CABP1: variants seen among roughly 807,000 people sequenced by gnomAD.
CABP1 encodes calcium binding protein 1.
Under a neutral mutation model 34.3 loss-of-function variants are expected in CABP1, and 17 were observed. The ratio of observed to expected loss-of-function variants is 0.50; its 90% CI spans 0.34 to 0.74. CABP1 has a LOEUF of 0.74. Ranked by LOEUF, CABP1 falls within the 30% of genes least tolerant of loss-of-function variation. CABP1 has a pLI of 0.01. For synonymous variants in CABP1, 198 were observed against 229.2 expected, an observed-to-expected ratio of 0.86 and a Z score of 1.23; for missense variants, 373 against 511.1, an observed-to-expected ratio of 0.73 and a Z score of 2.61.
the CABP1 span, among the ~76,000 whole-genome samples, chr12:120,672,711 G>GA: frequency 6.7e-4 from 94 of 139,498 alleles, no homozygotes; most frequent in Middle Eastern, 3.7e-3. Flanking sequence ...GCACTTGGGT[G>GA]AAAAAAAAAA....
intron 5 of CABP1, among the ~76,000 whole-genome samples, chr12:120,666,553 T>G (rs758103435): frequency 1.3e-5 from 2 of 148,894 alleles, no homozygotes; most frequent in Non-Finnish European, 1.5e-5. Flanking sequence ...AAAAGATCTG[T>G]GTAGTTGGAG....
chr12:120,671,653 A>C (rs1393490142), downstream of CABP1, among the ~76,000 whole-genome samples: 2 of 152,256 alleles, frequency 1.3e-5, no homozygotes, highest in Non-Finnish European at 2.9e-5. Context: ...CGCTGGTGCT[A>C]TGAAGGGCTC....
chr12:120,650,058 C>T lies in CABP1; in HGVS notation c.654+8719C>T, dbSNP rs537192117. 37 of 153,934 alleles carry T rather than the reference C, an allele frequency of 2.4e-4. No individual in the cohort carries two copies. In the Middle Eastern group the frequency reaches 0.014, roughly 56 times the overall value. 9.5% of individuals were successfully genotyped at this position (153,934 alleles called of 1,614,324 possible). A position where few individuals can be genotyped will look rare whatever the true frequency, so the allele number is the denominator to read the frequency against. On this transcript the variant is annotated intron_variant, in intron 1 of 5. Transcript: ENST00000316803. ...GTTTGTGTGTGTGTGTGTGCGCGCG[C>T]GCACACACACAAGGCTGGGAGCTGT...
chr12:120,661,260 G>A lies in CABP1; in HGVS notation c.1087+42G>A, dbSNP rs749856150. On this transcript the variant is annotated intron_variant, in intron 5 of 5. Transcript: ENST00000316803. The surrounding 1 kb of genome is among the most constrained non-coding windows in gnomAD (Gnocchi z 5.1). ...AGTGGGAGAGAAGCAAGCCAGCAGT[G>A]GCCATCCATGGAGCCCTCCAATTGT... is the stretch of plus-strand genomic sequence containing the variant. 1 of 1,586,706 alleles carries A rather than the reference G, an allele frequency of 6.3e-7. No individual in the cohort carries two copies. Among genetic ancestry groups the A allele is most frequent in the Admixed American group, 1.7e-5 (1 of 57,760 alleles).
Position 120,660,924 on chromosome 12 carries a change from A to G in CABP1, c.939+84A>G. 1 of 1,386,160 alleles carries G rather than the reference A, an allele frequency of 7.2e-7. No individual in the cohort carries two copies. The highest frequency in any genetic ancestry group is 1.0e-6 in the Non-Finnish European group (1 of 980,114). The allele number at this position is 1,386,160 out of a possible 1,614,324, so 85.9% of individuals were successfully genotyped here. On this transcript the variant is annotated intron_variant, in intron 4 of 5. Coordinates refer to ENST00000316803, the MANE Select transcript of CABP1 (RefSeq NM_001033677.2). This position sits in a 1 kb window ranked among gnomAD's most constrained non-coding sequence, Gnocchi z 5.0. ...ATACTTCAAAAGAAGCCTGAGCCTCAAGTCCCAGATCAGGGGAGGGAGCTT... is the reference window on the plus strand; with the variant it reads ...ATACTTCAAAAGAAGCCTGAGCCTCGAGTCCCAGATCAGGGGAGGGAGCTT...
chr12:120,677,930 A>G, the CABP1 span, among the ~76,000 whole-genome samples: 1 of 152,172 alleles, frequency 6.6e-6, no homozygotes, highest in South Asian at 2.1e-4. Context: ...ATGAAGACAC[A>G]CCAAGTCCAT....
the CABP1 span, among the ~76,000 whole-genome samples, chr12:120,675,674 T>C: frequency 2.0e-5 from 3 of 152,254 alleles, no homozygotes; most frequent in Non-Finnish European, 2.9e-5. Flanking sequence ...ATCTGCTTAT[T>C]GTTTGAGGCT....
intron 1 of CABP1, among the ~76,000 whole-genome samples, chr12:120,647,560 C>CTTTTTTTTT (rs10557275): frequency 6.6e-5 from 5 of 75,666 alleles, no homozygotes; most frequent in Admixed American, 1.8e-4. Context: ...CAGTCCAAGC[C>CTTTTTTTTT]TTTTTTTTTT....
At chr12:120,649,005 G>T (rs1442586411) in intron 1 of CABP1, among the ~76,000 whole-genome samples, 3 of 152,032 alleles carry the variant, frequency 2.0e-5, no homozygotes, top group South Asian at 4.2e-4. Context: ...CAGGAGACAC[G>T]CATCATCACC....
chr12:120,659,779 T>C lies in CABP1; in HGVS notation c.655-99T>C, dbSNP rs1206351745. On this transcript the variant is annotated intron_variant, in intron 1 of 5. Transcript: ENST00000316803. The stretch of plus-strand genomic sequence containing the variant: ...CCTGTGCTGCATCCTCGTCACCTCC[T>C]ACCCAGTGCCTGCTGCCACGTGGAT... 8.2e-6 allele frequency: 9 copies of C among 1,099,118 alleles called. No individual in the cohort carries two copies. The African/African-American group carries it at 1.2e-4, about 15-fold the overall frequency. 68.1% of individuals were successfully genotyped at this position (1,099,118 alleles called of 1,614,324 possible). A position where few individuals can be genotyped will look rare whatever the true frequency, so the allele number is the denominator to read the frequency against.
chr12:120,644,951 C>A (rs985894497), intron 1 of CABP1, among the ~76,000 whole-genome samples: 1 of 152,152 alleles, frequency 6.6e-6, no homozygotes, highest in African/African-American at 2.4e-5. Context: ...ATTACAGGTG[C>A]CTGCCACCGC....
chr12:120,656,839 G>A (rs1880257179), intron 1 of CABP1, among the ~76,000 whole-genome samples: 2 of 152,340 alleles, frequency 1.3e-5, no homozygotes, highest in Non-Finnish European at 1.5e-5. Context: ...AGGTTGCAGT[G>A]AGCCAAGGTC....
rs1420083636 is a variant in CABP1 at position 120,660,744 on chromosome 12, A to G, written c.843A>G (p.Val281=). ...QQINMNLGGH[V]DFDDFVELMG... is the part of the protein sequence containing the mutation. ...CTCCTTTTCCAGTGGGTGGCCATGT[A>G]GATTTTGATGACTTCGTGGAGCTAA... The change falls in exon 4 of 6, where the codon GTA becomes GTG. Residue 281 remains valine (V), a synonymous_variant. Coordinates refer to ENST00000316803, the MANE Select transcript of CABP1 (RefSeq NM_001033677.2). This position sits in a 1 kb window ranked among gnomAD's most constrained non-coding sequence, Gnocchi z 5.0. 6.2e-7 allele frequency: 1 copy of G among 1,612,750 alleles called. No homozygotes were observed. Among genetic ancestry groups the G allele is most frequent in the African/African-American group, 1.3e-5 (1 of 74,874 alleles).
chr12:120,646,081 C>G (rs1345455477), intron 1 of CABP1, among the ~76,000 whole-genome samples: 1 of 152,166 alleles, frequency 6.6e-6, no homozygotes, highest in Non-Finnish European at 1.5e-5. Flanking sequence ...GGTGGCAGGA[C>G]TGTGCTGAGA....
In CABP1 at chr12:120,650,787, C is replaced by T. The variant is rs187868005; in HGVS notation, c.655-9091C>T. On this transcript the variant is annotated intron_variant, in intron 1 of 5. Coordinates refer to ENST00000316803, the MANE Select transcript of CABP1 (RefSeq NM_001033677.2). ...AGGGTGGCTGGAGCTTGCTATCCTT[C>T]CCAGGGGTTCTGTCCAGGGCTGCCT... 43 of 1,177,644 alleles carry T rather than the reference C, an allele frequency of 3.7e-5. 1 individual carries two copies. In the African/African-American group the frequency reaches 6.0e-4, roughly 16 times the overall value. The allele number at this position is 1,177,644 out of a possible 1,614,324, so 72.9% of individuals were successfully genotyped here.
chr12:120,653,676 G>T (rs1879989368), intron 1 of CABP1, among the ~76,000 whole-genome samples: 2 of 152,134 alleles, frequency 1.3e-5, no homozygotes, highest in Non-Finnish European at 2.9e-5. Context: ...TGGGATTATG[G>T]GTGCCCGCCA....
Position 120,667,092 on chromosome 12 carries a change from AAAGCGGG to A in CABP1, c.*193_*199del. On this transcript the variant is annotated 3_prime_UTR_variant, in exon 6 of 6. Transcript: ENST00000316803. ...GTGAAAGACTAACTCCTGCAACTGG[AAAGCGGG>A]GGCGCCCGCCGACGAGGAGGCCACC... is the stretch of plus-strand genomic sequence containing the variant. 1.6e-6 allele frequency: 1 copy of A among 634,744 alleles called. No individual in the cohort carries two copies. The highest frequency in any genetic ancestry group is 2.6e-6 in the Non-Finnish European group (1 of 382,366). 39.3% of individuals were successfully genotyped at this position (634,744 alleles called of 1,614,324 possible). A position where few individuals can be genotyped will look rare whatever the true frequency, so the allele number is the denominator to read the frequency against.
rs961713710 is a variant in CABP1, at chr12:120,659,951, A to G, written c.685+43A>G. ...GGGGGAAAGGACTGCCTAGCCCTCT[A>G]GGAAGGTGTGGGAAGGGAGGTTGAT... On this transcript the variant is annotated intron_variant, in intron 2 of 5. Transcript: ENST00000316803. 3.8e-6 allele frequency: 6 copies of G among 1,599,374 alleles called. No homozygotes were observed. In the African/African-American group the frequency reaches 8.1e-5, roughly 22 times the overall value.
chr12:120,669,136 G>A (rs919842052), downstream of CABP1, among the ~76,000 whole-genome samples: 12 of 152,216 alleles, frequency 7.9e-5, no homozygotes, highest in Admixed American at 3.9e-4. Context: ...AGCATCCGCT[G>A]CCCGCTGTGC....
Sources: gnomAD v4.1 joint callset for allele counts (sites outside exome capture counted in the v4.1 genomes callset) on GRCh38, gnomAD v4.1.1 for gene constraint, Gnocchi (gnomAD v3.1) non-coding constraint, MANE v1.5 for transcripts, NCBI Gene and HGNC (gene_info 2026-07-23, HGNC 2026-07-21) for gene names.